PBX1: variants seen among roughly 807,000 people sequenced by gnomAD.
PBX1 encodes pre-B-cell leukemia transcription factor 1.
Under a neutral mutation model 53.4 loss-of-function variants are expected in PBX1, and 6 were observed. That is an observed-to-expected ratio of 0.11 (90% CI 0.06 to 0.22). The LOEUF is 0.22. Ranked by LOEUF, PBX1 falls within the 10% of genes least tolerant of loss-of-function variation. PBX1 has a pLI of 1.00. For missense variants in PBX1, 251 were observed against 551.4 expected (o/e 0.46, Z 5.46); for synonymous variants, 204 against 212.3 (o/e 0.96, Z 0.34).
chr1:164,834,025 G>GTA lies in PBX1; in HGVS notation c.1200+12403_1200+12404dup, dbSNP rs912037957. On this transcript the variant is annotated intron_variant, in intron 8 of 8. Transcript: ENST00000420696. Reference sequence around the variant, plus strand: ...ATACCCTGGATATGGGTATATATATGTATATGTGTGTGTGTGTGTGTGTGT... The same window carrying GTA: ...ATACCCTGGATATGGGTATATATATGTATATATGTGTGTGTGTGTGTGTGTGT... Among the ~76,000 whole-genome samples the GTA allele has an allele frequency of 2.9e-5, 4 of 136,644 alleles. No individual in the cohort carries two copies. In the East Asian group the frequency reaches 6.2e-4, roughly 21 times the overall value. 89.6% of individuals were successfully genotyped at this position (136,644 alleles called of 152,430 possible). A position where few individuals can be genotyped will look rare whatever the true frequency, so the allele number is the denominator to read the frequency against.
At chr1:164,624,033 A>T (rs1485338470) in intron 2 of PBX1, among the ~76,000 whole-genome samples, 1 of 152,142 alleles carries the variant, frequency 6.6e-6, no homozygotes, top group African/African-American at 2.4e-5. Flanking sequence ...CTGTGTGTAC[A>T]CTTAACGTGA....
intron 8 of PBX1, among the ~76,000 whole-genome samples, chr1:164,823,462 G>C (rs1032324987): frequency 6.6e-6 from 1 of 152,152 alleles, no homozygotes; most frequent in Non-Finnish European, 1.5e-5. Context: ...GAAAGCACAA[G>C]AGTGTAGGGA....
chr1:164,843,258 G>T (rs2102413614), intron 8 of PBX1, among the ~76,000 whole-genome samples: 1 of 152,270 alleles, frequency 6.6e-6, no homozygotes, highest in East Asian at 1.9e-4. Flanking sequence ...CTAGAGAAAA[G>T]AATTCTTCCA....
In PBX1 at chr1:164,744,954, G is replaced by A. The variant is rs917833165; in HGVS notation, c.266-47540G>A. On this transcript the variant is annotated intron_variant, in intron 2 of 8. Transcript: ENST00000420696. ...TTGCCCGTCACCTGCCAGACTCTAA[G>A]CCATGTAATACACCAAACTTACAAG... 2.0e-5 allele frequency among the ~76,000 whole-genome samples: 3 copies of A among 152,196 alleles called. No homozygotes were observed. In the East Asian group the frequency reaches 5.8e-4, roughly 29 times the overall value.
At chr1:164,661,384 A>G (rs1048304930) in intron 2 of PBX1, among the ~76,000 whole-genome samples, 3 of 147,700 alleles carry the variant, frequency 2.0e-5, no homozygotes, top group Non-Finnish European at 3.0e-5. Flanking sequence ...AAGCCCTGAT[A>G]TTGTGGTCTA....
chr1:164,719,890 A>G (rs1664309119), intron 2 of PBX1, among the ~76,000 whole-genome samples: 1 of 152,064 alleles, frequency 6.6e-6, no homozygotes, highest in African/African-American at 2.4e-5. Flanking sequence ...GCCTGGGCAA[A>G]CTCACTCTTC....
chr1:164,743,151 C>T (rs895294110), intron 2 of PBX1, among the ~76,000 whole-genome samples: 4 of 152,096 alleles, frequency 2.6e-5, no homozygotes, highest in African/African-American at 9.7e-5. Context: ...GTATTCCTTC[C>T]GTACAAACAC....
In PBX1 at chr1:164,598,016, T is replaced by C. The variant is rs1172432831; in HGVS notation, c.265+34705T>C. On this transcript the variant is annotated intron_variant, in intron 2 of 8. Transcript: ENST00000420696. The stretch of plus-strand genomic sequence containing the variant: ...CTGGAGAATGGGAAGTCCCAGAGCA[T>C]GGCTCTGGCATTTGGTGAGGGCCTT... 3.9e-5 allele frequency among the ~76,000 whole-genome samples: 6 copies of C among 152,150 alleles called. 1 individual carries two copies. Among genetic ancestry groups the C allele is most frequent in the African/African-American group, 1.4e-4 (6 of 41,442 alleles).
rs746598384 is a variant in PBX1 at position 164,633,887 on chromosome 1, AT to A, written c.265+70579del. Among the ~76,000 whole-genome samples the A allele has an allele frequency of 8.5e-5, 13 of 152,168 alleles. 1 individual carries two copies. The highest frequency in any genetic ancestry group is 1.8e-4 in the Non-Finnish European group (12 of 68,042). ...TGGTGCATGTTAAGCCTCACAGTAT[AT>A]TTGTTATTATTGTTATTATTATTTT... On this transcript the variant is annotated intron_variant, in intron 2 of 8. Transcript: ENST00000420696.
At chr1:164,883,582 GA>G (rs1170449122) in intron 2 of PBX1, among the ~76,000 whole-genome samples, 2 of 152,160 alleles carry the variant, frequency 1.3e-5, no homozygotes, top group South Asian at 2.1e-4. Context: ...TTTATTGATA[GA>G]TTTTTTTTAA....
intron 2 of PBX1, among the ~76,000 whole-genome samples, chr1:164,711,584 C>T: frequency 6.6e-6 from 1 of 152,202 alleles, no homozygotes; most frequent in South Asian, 2.1e-4. Flanking sequence ...TTTGTCGTGT[C>T]TACCTTCCTA....
chr1:164,635,173 G>T (rs575767941), intron 2 of PBX1, among the ~76,000 whole-genome samples: 276 of 152,176 alleles, frequency 1.8e-3, no homozygotes, highest in Non-Finnish European at 2.9e-3. Context: ...ATATACAGCA[G>T]TTCATCTGAA....
At chr1:164,569,564 ATTTTTTTTTTTTTT>A (rs71097535) in intron 2 of PBX1, among the ~76,000 whole-genome samples, 5 of 78,186 alleles carry the variant, frequency 6.4e-5, no homozygotes, top group South Asian at 4.9e-4. Flanking sequence ...TTTTCCTTGC[ATTTTTTTTTTTTTT>A]TTTTTTTTTT....
At chr1:164,653,014 G>A (rs188742229) in intron 2 of PBX1, among the ~76,000 whole-genome samples, 76 of 152,014 alleles carry the variant, frequency 5.0e-4, no homozygotes, top group African/African-American at 1.8e-3. Context: ...TTACAGGTGT[G>A]CGCCACCACA....
At chr1:164,598,770 C>CA (rs1557882339) in intron 2 of PBX1, among the ~76,000 whole-genome samples, 1 of 152,182 alleles carries the variant, frequency 6.6e-6, no homozygotes, top group South Asian at 2.1e-4. Context: ...AAGAGCCTTA[C>CA]ACCTGAAATA....
chr1:164,876,251 A>AT (rs1236258040), intron 2 of PBX1, among the ~76,000 whole-genome samples: 1 of 152,094 alleles, frequency 6.6e-6, no homozygotes, highest in East Asian at 1.9e-4. Context: ...GTTGGCTTCT[A>AT]TATCATTTAA....
Position 164,848,705 on chromosome 1 carries a change from G to C in PBX1, c.*2029G>C, listed in dbSNP as rs1372538375. The C allele has an allele frequency of 9.5e-7, 1 of 1,056,176 alleles. No homozygotes were observed. The highest frequency in any genetic ancestry group is 1.7e-5 in the African/African-American group (1 of 60,590). The allele number at this position is 1,056,176 out of a possible 1,614,324, so 65.4% of individuals were successfully genotyped here. On this transcript the variant is annotated 3_prime_UTR_variant, in exon 9 of 9. Coordinates refer to ENST00000420696, the MANE Select transcript of PBX1 (RefSeq NM_002585.4). ...CCAATATGTTGCCTTGTACATACTT[G>C]GTCCCTGTCACATTGACTGCTTGGG...
chr1:164,793,460 C>G (rs1170909093), intron 3 of PBX1, among the ~76,000 whole-genome samples: 1 of 152,142 alleles, frequency 6.6e-6, no homozygotes, highest in Non-Finnish European at 1.5e-5. Flanking sequence ...TGGCACAGAT[C>G]TGTGGATTTG....
Position 164,799,686 on chromosome 1 carries a change from C to T in PBX1, c.511-13C>T. 6.2e-7 allele frequency: 1 copy of T among 1,604,706 alleles called. No homozygotes were observed. Among genetic ancestry groups the T allele is most frequent in the Non-Finnish European group, 8.5e-7 (1 of 1,172,894 alleles). Reference sequence around the variant, plus strand: ...GACCCTCAATGACGGTGTTGATTGTCCTGCCATTCCAGGCCTGCAACGAGT... The same window carrying T: ...GACCCTCAATGACGGTGTTGATTGTTCTGCCATTCCAGGCCTGCAACGAGT... On this transcript the variant is annotated splice_polypyrimidine_tract_variant and intron_variant, in intron 3 of 8. Coordinates refer to ENST00000420696, the MANE Select transcript of PBX1 (RefSeq NM_002585.4).
Sources: gnomAD v4.1 joint callset for allele counts (sites outside exome capture counted in the v4.1 genomes callset) on GRCh38, gnomAD v4.1.1 for gene constraint, MANE v1.5 for transcripts, NCBI Gene and HGNC (gene_info 2026-07-23, HGNC 2026-07-21) for gene names.